Variants in RTL4 observed in about 807,000 individuals in gnomAD.
RTL4 encodes the protein retrotransposon Gag-like protein 4.
RTL4 carries 4 observed loss-of-function variants against 5.3 expected under a neutral mutation model. The observed-to-expected ratio is 0.75, with a 90% CI of 0.37 to 1.72. The LOEUF (loss-of-function observed/expected upper bound fraction) is 1.72, where lower values mean the gene tolerates loss of function less well. Ranked by LOEUF, RTL4 falls within the 40% of genes most tolerant of loss-of-function variation. RTL4 has a pLI of 0.04. For synonymous variants in RTL4, 98 were observed against 87.3 expected (o/e 1.12, Z -0.68); for missense variants, 260 against 227.1 (o/e 1.14, Z -0.93).
At chrX:112,296,847 G>A in the RTL4 span, among the ~76,000 whole-genome samples, 1 of 107,029 alleles carries the variant, frequency 9.3e-6, no homozygotes, top group Non-Finnish European at 1.9e-5. Flanking sequence ...TCGATCTCCT[G>A]ACCTTGTGAT....
exon 1 of RTL4, chrX:112,455,586 T>C: frequency 8.3e-7 from 1 of 1,211,906 alleles, no homozygotes; most frequent in Non-Finnish European, 1.1e-6. Flanking sequence ...GCAGCCAATC[T>C]GGTCACTTCA....
the RTL4 span, among the ~76,000 whole-genome samples, chrX:112,107,163 T>C: frequency 8.9e-6 from 1 of 112,228 alleles, no homozygotes; most frequent in Non-Finnish European, 1.9e-5. Flanking sequence ...TTTAAGCTGA[T>C]GACAAATTAA....
At chrX:112,326,588 CA>C in the RTL4 span, among the ~76,000 whole-genome samples, 2 of 111,877 alleles carry the variant, frequency 1.8e-5, no homozygotes, top group African/African-American at 6.5e-5. Context: ...GAGGGGCGCC[CA>C]CCATTGCCCA....
At chrX:112,285,552 T>C in the RTL4 span, among the ~76,000 whole-genome samples, 2 of 111,311 alleles carry the variant, frequency 1.8e-5, no homozygotes, top group African/African-American at 6.5e-5. Flanking sequence ...GAAATGGACA[T>C]CCAATAGTCA....
chrX:112,340,547 G>A, the RTL4 span, among the ~76,000 whole-genome samples: 3 of 96,476 alleles, frequency 3.1e-5, no homozygotes, highest in African/African-American at 1.1e-4. Flanking sequence ...AAGACCCACG[G>A]GAATAGTAAT....
At chrX:112,291,142 C>A in the RTL4 span, among the ~76,000 whole-genome samples, 1 of 110,099 alleles carries the variant, frequency 9.1e-6, no homozygotes, top group Non-Finnish European at 1.9e-5. Context: ...TAGAAAAGGG[C>A]CCTAAGTAGC....
the RTL4 span, among the ~76,000 whole-genome samples, chrX:112,383,837 T>C: frequency 3.6e-5 from 4 of 111,551 alleles, no homozygotes; most frequent in South Asian, 1.5e-3. Context: ...CATAGAGGGA[T>C]ACTAGAGTGG....
At chrX:112,098,773 A>G in the RTL4 span, among the ~76,000 whole-genome samples, 1 of 111,855 alleles carries the variant, frequency 8.9e-6, no homozygotes, top group East Asian at 2.8e-4. Flanking sequence ...GAGAAAAACA[A>G]GAAATGGGGA....
the RTL4 span, among the ~76,000 whole-genome samples, chrX:112,427,136 GC>G: frequency 1.4e-4 from 16 of 111,069 alleles, no homozygotes; most frequent in African/African-American, 2.6e-4. Flanking sequence ...GTCATTACAA[GC>G]AAAGAAAACT....
chrX:112,390,112 T>TATATAA, the RTL4 span, among the ~76,000 whole-genome samples: 3 of 6,954 alleles, frequency 4.3e-4, no homozygotes, highest in African/African-American at 1.6e-3. Context: ...ATATAATATA[T>TATATAA]ATATATATAT....
chrX:112,289,029 G>T, the RTL4 span, among the ~76,000 whole-genome samples: 2 of 111,838 alleles, frequency 1.8e-5, no homozygotes, highest in African/African-American at 6.5e-5. Flanking sequence ...TTTGTTGAAT[G>T]AATGAATAGA....
the RTL4 span, among the ~76,000 whole-genome samples, chrX:112,397,706 T>C: frequency 8.9e-6 from 1 of 112,176 alleles, no homozygotes; most frequent in Middle Eastern, 4.6e-3. Flanking sequence ...ATAGATCTTA[T>C]ACATGTTTTA....
At chrX:112,304,157 A>G in the RTL4 span, among the ~76,000 whole-genome samples, 29 of 108,738 alleles carry the variant, frequency 2.7e-4, no homozygotes, top group Non-Finnish European at 5.1e-4. Flanking sequence ...AACCCCAGTC[A>G]TGTCTTTTTG....
At chrX:112,402,025 G>T in the RTL4 span, among the ~76,000 whole-genome samples, 2 of 111,871 alleles carry the variant, frequency 1.8e-5, no homozygotes, top group South Asian at 7.5e-4. Flanking sequence ...CCCCATACCT[G>T]CTGTTCTTCT....
At chrX:112,326,451 T>TA in the RTL4 span, among the ~76,000 whole-genome samples, 33 of 111,426 alleles carry the variant, frequency 3.0e-4, no homozygotes, top group African/African-American at 1.0e-3. Flanking sequence ...CTGACGGGCT[T>TA]AAAAAAACGG....
chrX:112,411,426 C>G, the RTL4 span, among the ~76,000 whole-genome samples: 5 of 111,209 alleles, frequency 4.5e-5, no homozygotes, highest in Non-Finnish European at 9.5e-5. Context: ...GCCAATATCC[C>G]TGATGAACAT....
the RTL4 span, among the ~76,000 whole-genome samples, chrX:112,353,586 A>G: frequency 9.0e-6 from 1 of 110,844 alleles, no homozygotes; most frequent in South Asian, 3.9e-4. Context: ...CGCAAGGACA[A>G]AAAACCAAAC....
the RTL4 span, among the ~76,000 whole-genome samples, chrX:112,427,140 A>G: frequency 9.0e-6 from 1 of 111,505 alleles, no homozygotes; most frequent in African/African-American, 3.2e-5. Flanking sequence ...TTACAAGCAA[A>G]GAAAACTGAG....
chrX:112,248,231 T>G, the RTL4 span, among the ~76,000 whole-genome samples: 1 of 112,203 alleles, frequency 8.9e-6, no homozygotes, highest in Non-Finnish European at 1.9e-5. Context: ...CTTTCTATAG[T>G]CTCTTTAAAA....
Sources: allele counts gnomAD v4.1 joint callset (sites outside exome capture counted in the v4.1 genomes callset), GRCh38; gene constraint gnomAD v4.1.1; transcripts MANE v1.5; gene names NCBI Gene and HGNC (gene_info 2026-07-23, HGNC 2026-07-21).